Variants in P2RY12 observed in about 807,000 individuals in gnomAD.
P2RY12 encodes P2Y purinoceptor 12.
Under a neutral mutation model 4.5 loss-of-function variants are expected in P2RY12, and 3 were observed. That is an observed-to-expected ratio of 0.67 (90% CI 0.31 to 1.74). The LOEUF (loss-of-function observed/expected upper bound fraction) is 1.74. Ranked by LOEUF, P2RY12 falls within the 40% of genes most tolerant of loss-of-function variation. The pLI is 0.09. For synonymous variants in P2RY12, 148 were observed against 154.1 expected (o/e 0.96, Z 0.29); for missense variants, 356 against 407.8 (o/e 0.87, Z 1.09).
intron 1 of P2RY12, among the ~76,000 whole-genome samples, chr3:151,342,112 T>C (rs531347510): frequency 4.6e-4 from 70 of 152,298 alleles, no homozygotes; most frequent in Non-Finnish European, 6.3e-4. Flanking sequence ...ATGGCTGGGT[T>C]AAATGGTATT....
chr3:151,368,629 TATTTC>T (rs1159385723), intron 1 of P2RY12, among the ~76,000 whole-genome samples: 13,317 of 91,744 alleles, frequency 0.15, 1,303 homozygotes, highest in Non-Finnish European at 0.19. Flanking sequence ...TATTTTATTT[TATTTC>T]ATTTCATTTC....
At chr3:151,368,647 T>TCATGTCATG (rs1755676388) in intron 1 of P2RY12, among the ~76,000 whole-genome samples, 2 of 64,390 alleles carry the variant, frequency 3.1e-5, no homozygotes, top group Admixed American at 3.2e-4. Flanking sequence ...TTCATTTCAT[T>TCATGTCATG]TCATTTCATT....
intron 1 of P2RY12, among the ~76,000 whole-genome samples, chr3:151,375,810 A>T (rs1238723966): frequency 6.6e-6 from 1 of 152,148 alleles, no homozygotes; most frequent in African/African-American, 2.4e-5. Flanking sequence ...CCATTAAAAA[A>T]TGTTTTTAAG....
intron 1 of P2RY12, among the ~76,000 whole-genome samples, chr3:151,372,928 T>A (rs1756370436): frequency 6.6e-6 from 1 of 152,224 alleles, no homozygotes; most frequent in Non-Finnish European, 1.5e-5. Flanking sequence ...GAATTATTTT[T>A]AAAAAACTCA....
Position 151,338,656 on chromosome 3 carries a change from T to G in P2RY12, c.190A>C (p.Lys64Gln). ...RSKSNFIIFL[K>Q]NTVISDLLMI... ...AGAAGATCAGAAATGACTGTGTTCT[T>G]AAGAAAAATAATAAAGTTTGATTTA... The change falls in exon 3 of 3, where the codon AAG becomes CAG. Residue 64 changes from lysine (K) to glutamine (Q), a missense_variant. Coordinates refer to ENST00000302632, the MANE Select transcript of P2RY12 (RefSeq NM_022788.5). 6.2e-7 allele frequency: 1 copy of G among 1,613,806 alleles called. No homozygotes were observed. The highest frequency in any genetic ancestry group is 1.1e-5 in the South Asian group (1 of 91,066).
intron 1 of P2RY12, chr3:151,365,756 G>A: frequency 8.8e-7 from 1 of 1,136,402 alleles, no homozygotes; most frequent in Non-Finnish European, 1.2e-6. Flanking sequence ...TGACTTGTTT[G>A]ATGTTAGTGA....
intron 1 of P2RY12, among the ~76,000 whole-genome samples, chr3:151,353,842 A>G (rs1753551163): frequency 1.3e-5 from 2 of 152,160 alleles, no homozygotes; most frequent in Admixed American, 1.3e-4. Context: ...GCCTTTAACT[A>G]CTTAGAATCA....
At chr3:151,343,247 G>T (rs1752099519) in intron 1 of P2RY12, among the ~76,000 whole-genome samples, 1 of 152,068 alleles carries the variant, frequency 6.6e-6, no homozygotes, top group Admixed American at 6.6e-5. Flanking sequence ...GCTTATTCAA[G>T]AAAATGATTA....
intron 2 of P2RY12, among the ~76,000 whole-genome samples, chr3:151,339,406 C>T (rs1377543374): frequency 7.0e-6 from 1 of 143,560 alleles, no homozygotes; most frequent in Non-Finnish European, 1.5e-5. Context: ...TCTTGGGAAA[C>T]TTATTAAATA....
Position 151,378,928 on chromosome 3 carries a change from T to C in P2RY12, c.-180+5764A>G, listed in dbSNP as rs578140577. On this transcript the variant is annotated intron_variant, in intron 1 of 2. Coordinates refer to ENST00000302632, the MANE Select transcript of P2RY12 (RefSeq NM_022788.5). ...TGTACATGAGCTTTTAAAATTCTTA[T>C]AGCAATCATGTGGTAGGTACTCTCA... is the stretch of plus-strand genomic sequence containing the variant. Among the ~76,000 whole-genome samples the C allele has an allele frequency of 2.6e-5, 4 of 152,348 alleles. No individual in the cohort carries two copies. The South Asian group carries it at 6.2e-4, about 24-fold the overall frequency.
chr3:151,362,139 G>A (rs1433650387), intron 1 of P2RY12, among the ~76,000 whole-genome samples: 3 of 151,760 alleles, frequency 2.0e-5, no homozygotes, highest in Admixed American at 6.6e-5. Context: ...TCTCTTTACC[G>A]CTGTGGATAC....
intron 1 of P2RY12, chr3:151,355,052 A>G: frequency 9.0e-7 from 1 of 1,112,718 alleles, no homozygotes; most frequent in Non-Finnish European, 1.4e-6. Flanking sequence ...TTTAAAAAAA[A>G]GTATCCATTA....
At position 151,368,576 on chromosome 3, in the gene P2RY12, G is replaced by T. The variant is rs1485337538; in HGVS notation, c.-180+16116C>A. ...TCTGAACCACATCACAGCAGCTTAG[G>T]GCAATGGTGATTTATTTTATTTTAT... On this transcript the variant is annotated intron_variant, in intron 1 of 2. Coordinates refer to ENST00000302632, the MANE Select transcript of P2RY12 (RefSeq NM_022788.5). Among the ~76,000 whole-genome samples the T allele has an allele frequency of 4.3e-5, 6 of 138,398 alleles. No individual in the cohort carries two copies. The East Asian group carries it at 1.1e-3, about 25-fold the overall frequency. The allele number at this position is 138,398 out of a possible 152,430, so 90.8% of individuals were successfully genotyped here.
At chr3:151,350,085 C>A in intron 1 of P2RY12, 2 of 1,611,776 alleles carry the variant, frequency 1.2e-6, no homozygotes, top group South Asian at 1.1e-5. Flanking sequence ...ATGAATGTAA[C>A]CAGCGCACAA....
chr3:151,369,461 A>G (rs753181389), intron 1 of P2RY12: 3 of 1,608,718 alleles, frequency 1.9e-6, no homozygotes, highest in Non-Finnish European at 2.5e-6. Flanking sequence ...GAATAAGATC[A>G]TCTTGTGATA....
At chr3:151,376,833 T>C in intron 1 of P2RY12, 1 of 1,614,092 alleles carries the variant, frequency 6.2e-7, no homozygotes, top group Non-Finnish European at 8.5e-7. Context: ...GCAATCCTGG[T>C]TAGAACTCCA....
intron 1 of P2RY12, among the ~76,000 whole-genome samples, chr3:151,379,862 C>T (rs1711932217): frequency 6.6e-6 from 1 of 152,180 alleles, no homozygotes; most frequent in Non-Finnish European, 1.5e-5. Flanking sequence ...GCCCGGCATG[C>T]TCACATGCAG....
At chr3:151,368,590 A>G (rs190448906) in intron 1 of P2RY12, among the ~76,000 whole-genome samples, 105 of 58,762 alleles carry the variant, frequency 1.8e-3, no homozygotes, top group African/African-American at 9.9e-3. Flanking sequence ...ATGGTGATTT[A>G]TTTTATTTTA....
At chr3:151,348,443 C>T (rs756715772) in intron 1 of P2RY12, among the ~76,000 whole-genome samples, 11 of 151,822 alleles carry the variant, frequency 7.2e-5, no homozygotes, top group Admixed American at 5.9e-4. Context: ...CATTCAGATG[C>T]GCAGCCAGCT....
Sources: gnomAD v4.1 joint callset for allele counts (sites outside exome capture counted in the v4.1 genomes callset) on GRCh38, gnomAD v4.1.1 for gene constraint, MANE v1.5 for transcripts, NCBI Gene and HGNC (gene_info 2026-07-23, HGNC 2026-07-21) for gene names.